ZNF385D: variants seen among roughly 807,000 people sequenced by gnomAD.
ZNF385D encodes the protein zinc finger protein 659.
ZNF385D carries 15 observed loss-of-function variants against 35.8 expected under a neutral mutation model. That is an observed-to-expected ratio of 0.42 (90% CI 0.28 to 0.64). ZNF385D has a LOEUF of 0.64. Ranked by LOEUF, ZNF385D falls within the 30% of genes least tolerant of loss-of-function variation. The probability of loss-of-function intolerance (pLI) is 0.23; values close to 1 mark genes in which losing one functional copy is unlikely to be tolerated. For missense variants in ZNF385D, 474 were observed against 494.6 expected, an observed-to-expected ratio of 0.96 and a Z score of 0.39; for synonymous variants, 212 against 186.8, an observed-to-expected ratio of 1.13 and a Z score of -1.10.
chr3:21,686,319 G>A (rs914384174), intron 1 of ZNF385D, among the ~76,000 whole-genome samples: 5 of 152,138 alleles, frequency 3.3e-5, no homozygotes, highest in East Asian at 3.9e-4. Flanking sequence ...CAGATTATGC[G>A]TAGGTATAAA....
chr3:21,508,249 C>T (rs1333390851), intron 4 of ZNF385D, among the ~76,000 whole-genome samples: 1 of 152,086 alleles, frequency 6.6e-6, no homozygotes, highest in Non-Finnish European at 1.5e-5. Flanking sequence ...ATGTTATCTT[C>T]AAAAGACAAA....
chr3:21,516,751 A>C (rs1427227064), intron 3 of ZNF385D, among the ~76,000 whole-genome samples: 1 of 151,992 alleles, frequency 6.6e-6, no homozygotes, highest in Non-Finnish European at 1.5e-5. Flanking sequence ...ATCTTAGTAA[A>C]CTTTTGTTTG....
intron 1 of ZNF385D, among the ~76,000 whole-genome samples, chr3:21,750,148 A>G (rs1233829018): frequency 2.0e-5 from 3 of 152,226 alleles, no homozygotes; most frequent in African/African-American, 7.2e-5. Flanking sequence ...ACTAGCAGTA[A>G]GTTGCGGCGT....
At chr3:21,710,680 G>C (rs939550090) in intron 1 of ZNF385D, among the ~76,000 whole-genome samples, 1 of 152,132 alleles carries the variant, frequency 6.6e-6, no homozygotes, top group South Asian at 2.1e-4. Flanking sequence ...AAGGATCTAT[G>C]ATAATTCTGC....
intron 3 of ZNF385D, among the ~76,000 whole-genome samples, chr3:21,826,051 C>A (rs1332735412): frequency 6.6e-6 from 1 of 152,136 alleles, no homozygotes; most frequent in African/African-American, 2.4e-5. Context: ...CCCCACCAGT[C>A]CGTGGGTAAA....
At chr3:22,148,756 C>T (rs2125715670) in intron 3 of ZNF385D, among the ~76,000 whole-genome samples, 1 of 152,290 alleles carries the variant, frequency 6.6e-6, no homozygotes, top group African/African-American at 2.4e-5. Context: ...ACCTGACTAT[C>T]TCCAAAGTTA....
At chr3:22,290,198 G>A (rs759801461) in intron 2 of ZNF385D, among the ~76,000 whole-genome samples, 3 of 152,068 alleles carry the variant, frequency 2.0e-5, no homozygotes, top group Non-Finnish European at 4.4e-5. Context: ...GTCTCTTCAC[G>A]GGGAAGCTGG....
chr3:21,706,797 GAC>G, intron 1 of ZNF385D, among the ~76,000 whole-genome samples: 1 of 150,988 alleles, frequency 6.6e-6, no homozygotes. Flanking sequence ...CATTTAGATA[GAC>G]ACAAAGATAA....
At chr3:21,823,097 C>T (rs1694379567) in intron 3 of ZNF385D, among the ~76,000 whole-genome samples, 1 of 151,962 alleles carries the variant, frequency 6.6e-6, no homozygotes, top group African/African-American at 2.4e-5. Context: ...TATTGTCATA[C>T]TGTATACATA....
At chr3:22,236,698 T>A (rs959319343) in intron 2 of ZNF385D, among the ~76,000 whole-genome samples, 2 of 152,164 alleles carry the variant, frequency 1.3e-5, no homozygotes, top group African/African-American at 4.8e-5. Context: ...CCATAATGAT[T>A]AGCAGTCACT....
chr3:22,256,033 T>C (rs1037789670), intron 2 of ZNF385D, among the ~76,000 whole-genome samples: 1 of 151,644 alleles, frequency 6.6e-6, no homozygotes, highest in Admixed American at 6.6e-5. Context: ...GGCACAAAAA[T>C]TAGACAAGAA....
At chr3:22,306,501 A>T (rs1366666992) in intron 2 of ZNF385D, among the ~76,000 whole-genome samples, 1 of 152,136 alleles carries the variant, frequency 6.6e-6, no homozygotes. Flanking sequence ...TAGAGAAAGA[A>T]CTATGGCTCC....
At chr3:22,235,125 ATGTGTG>A (rs920734964) in intron 2 of ZNF385D, among the ~76,000 whole-genome samples, 7 of 151,864 alleles carry the variant, frequency 4.6e-5, no homozygotes, top group Admixed American at 1.3e-4. Context: ...ATGTATGTGT[ATGTGTG>A]TGTGTGCAGC....
At chr3:21,947,936 G>A (rs139045965) in intron 3 of ZNF385D, among the ~76,000 whole-genome samples, 2 of 152,200 alleles carry the variant, frequency 1.3e-5, no homozygotes, top group East Asian at 3.9e-4. Context: ...GCAAGATACT[G>A]TTTTTAATTT....
intron 3 of ZNF385D, among the ~76,000 whole-genome samples, chr3:21,816,959 C>G (rs2073176008): frequency 6.6e-6 from 1 of 152,134 alleles, no homozygotes; most frequent in Admixed American, 6.6e-5. Context: ...GTAACCAAAA[C>G]AGCATGGTAC....
At chr3:22,165,834 CTTAAA>C (rs1456380357) in intron 3 of ZNF385D, among the ~76,000 whole-genome samples, 1 of 152,118 alleles carries the variant, frequency 6.6e-6, no homozygotes, top group African/African-American at 2.4e-5. Context: ...TCCTTAGAAA[CTTAAA>C]TTAACTATTA....
chr3:22,256,752 T>C (rs1364817070), intron 2 of ZNF385D, among the ~76,000 whole-genome samples: 2 of 151,914 alleles, frequency 1.3e-5, no homozygotes, highest in Admixed American at 6.6e-5. Flanking sequence ...ATTCTACTAA[T>C]ATATTAATGA....
chr3:21,910,357 A>G (rs754527565), intron 3 of ZNF385D, among the ~76,000 whole-genome samples: 2 of 152,030 alleles, frequency 1.3e-5, no homozygotes, highest in Non-Finnish European at 2.9e-5. Flanking sequence ...AAAGCTAATA[A>G]AAATGATAAT....
intron 1 of ZNF385D, among the ~76,000 whole-genome samples, chr3:21,693,864 T>C (rs1296516073): frequency 2.0e-5 from 3 of 149,750 alleles, no homozygotes; most frequent in African/African-American, 4.9e-5. Flanking sequence ...GAAATCTTTT[T>C]AGAAAATCTT....
Sources: allele counts gnomAD v4.1 joint callset (sites outside exome capture counted in the v4.1 genomes callset), GRCh38; gene constraint gnomAD v4.1.1; transcripts MANE v1.5; gene names NCBI Gene and HGNC (gene_info 2026-07-23, HGNC 2026-07-21).